Variants in CSRNP3 observed in about 807,000 individuals in gnomAD.
CSRNP3 encodes cysteine/serine-rich nuclear protein 3.
Under a neutral mutation model 48.0 loss-of-function variants are expected in CSRNP3, and 12 were observed. The observed-to-expected ratio is 0.25, with a 90% CI of 0.16 to 0.41. CSRNP3 has a LOEUF of 0.41. Among genes scored for constraint, CSRNP3 ranks in the 10% least tolerant of loss-of-function variants. The probability of loss-of-function intolerance (pLI) is 1.00; values close to 1 mark genes in which losing one functional copy is unlikely to be tolerated. For synonymous variants in CSRNP3, 263 were observed against 269.7 expected, an observed-to-expected ratio of 0.98 and a Z score of 0.24; for missense variants, 580 against 724.4, an observed-to-expected ratio of 0.80 and a Z score of 2.29.
intron 1 of CSRNP3, among the ~76,000 whole-genome samples, chr2:165,470,485 T>C (rs1683879159): frequency 1.3e-5 from 2 of 152,112 alleles, no homozygotes; most frequent in African/African-American, 4.8e-5. Context: ...TTAACAGTCA[T>C]GTTTCATGGG....
chr2:165,672,028 C>T lies in CSRNP3; in HGVS notation c.409-4284C>T, dbSNP rs1021901855. ...AGCCTGAACTTGATTGTCCATATCACTATCAGTATTTTGGTCAAAGCCATT... is the reference window on the plus strand; with the variant it reads ...AGCCTGAACTTGATTGTCCATATCATTATCAGTATTTTGGTCAAAGCCATT... On this transcript the variant is annotated intron_variant, in intron 5 of 6. Coordinates refer to ENST00000651982, the MANE Select transcript of CSRNP3 (RefSeq NM_001172173.2). Among the ~76,000 whole-genome samples the T allele has an allele frequency of 5.3e-5, 8 of 152,326 alleles. No homozygotes were observed. The East Asian group carries it at 7.7e-4, about 15-fold the overall frequency.
intron 3 of CSRNP3, among the ~76,000 whole-genome samples, chr2:165,556,750 A>C (rs537070357): frequency 6.6e-6 from 1 of 152,322 alleles, no homozygotes; most frequent in South Asian, 2.1e-4. Flanking sequence ...GAGAAAGTAG[A>C]ATAATTCTCA....
intron 3 of CSRNP3, among the ~76,000 whole-genome samples, chr2:165,560,541 C>A (rs1364920379): frequency 6.6e-6 from 1 of 152,202 alleles, no homozygotes; most frequent in Admixed American, 6.5e-5. Context: ...TGCCCTTAAG[C>A]CATCTGGTTC....
chr2:165,607,717 T>C (rs1049592516), intron 4 of CSRNP3, among the ~76,000 whole-genome samples: 1 of 152,172 alleles, frequency 6.6e-6, no homozygotes, highest in Non-Finnish European at 1.5e-5. Context: ...CTGATGTTTC[T>C]TTCCCTAGTG....
intron 1 of CSRNP3, among the ~76,000 whole-genome samples, chr2:165,474,274 C>G (rs1308186346): frequency 6.6e-6 from 1 of 151,742 alleles, no homozygotes; most frequent in Non-Finnish European, 1.5e-5. Flanking sequence ...TGTTGCCAGG[C>G]TTGAGTGCAG....
At chr2:165,504,493 TA>T (rs1490153021) in intron 2 of CSRNP3, among the ~76,000 whole-genome samples, 1 of 152,066 alleles carries the variant, frequency 6.6e-6, no homozygotes, top group Non-Finnish European at 1.5e-5. Context: ...TGTTAACCAC[TA>T]TAGTATGCTA....
At chr2:165,640,045 A>G (rs1446697489) in intron 4 of CSRNP3, among the ~76,000 whole-genome samples, 3 of 152,216 alleles carry the variant, frequency 2.0e-5, no homozygotes, top group African/African-American at 7.2e-5. Context: ...AACTCTTATC[A>G]TGTGGGGCTG....
At position 165,679,530 on chromosome 2, in the gene CSRNP3, G is replaced by C. The variant is rs1441268923; in HGVS notation, c.1535G>C (p.Gly512Ala). ...TGCTCCTCTTCCGAAAATGATAGCGGTGTGCCCTGCAATAGTTTATATCCT... is the reference window on the plus strand; with the variant it reads ...TGCTCCTCTTCCGAAAATGATAGCGCTGTGCCCTGCAATAGTTTATATCCT... Reference protein sequence around the residue: ...VCCSSSENDSGVPCNSLYPEH... With the variant: ...VCCSSSENDSAVPCNSLYPEH... The change falls in exon 7 of 7, where the codon GGT becomes GCT. Residue 512 changes from glycine to alanine, a missense_variant. By Grantham distance (60) the Gly-to-Ala change is moderately conservative (BLOSUM62 0). Transcript: ENST00000651982. The C allele has an allele frequency of 8.7e-6, 14 of 1,613,626 alleles. No individual in the cohort carries two copies. The Admixed American group carries it at 2.0e-4, about 23-fold the overall frequency.
At position 165,666,058 on chromosome 2, in the gene CSRNP3, GGA is replaced by G. The variant is rs546827485; in HGVS notation, c.408+8039_408+8040del. 1.3e-3 allele frequency among the ~76,000 whole-genome samples: 50 copies of G among 38,892 alleles called. 1 individual carries two copies. The highest frequency in any genetic ancestry group is 2.3e-3 in the Non-Finnish European group (34 of 14,878). The allele number at this position is 38,892 out of a possible 152,430, so 25.5% of individuals were successfully genotyped here. A position where few individuals can be genotyped will look rare whatever the true frequency, so the allele number is the denominator to read the frequency against. On this transcript the variant is annotated intron_variant, in intron 5 of 6. Coordinates refer to ENST00000651982, the MANE Select transcript of CSRNP3 (RefSeq NM_001172173.2). ...AAGGGAGGAAGGAAGGAAAGAGAGA[GGA>G]AGAAAGAAAGAGAGAGAGAGAAAGG...
chr2:165,551,780 G>A (rs376862060), intron 3 of CSRNP3, among the ~76,000 whole-genome samples: 7 of 151,728 alleles, frequency 4.6e-5, no homozygotes, highest in African/African-American at 1.4e-4. Context: ...AAGAATATAC[G>A]AATTATTAAA....
At chr2:165,572,095 T>A (rs1685382020) in intron 3 of CSRNP3, among the ~76,000 whole-genome samples, 1 of 152,138 alleles carries the variant, frequency 6.6e-6, no homozygotes, top group South Asian at 2.1e-4. Context: ...TTATTCAACC[T>A]CTTATTAAAA....
rs1020329478 is a variant in CSRNP3, at chr2:165,687,881, T to C, written c.*8128T>C. The C allele has an allele frequency of 1.3e-5, 2 of 152,010 alleles. No homozygotes were observed. Among genetic ancestry groups the C allele is most frequent in the African/African-American group, 4.8e-5 (2 of 41,396 alleles). 9.4% of individuals were successfully genotyped at this position (152,010 alleles called of 1,614,324 possible). A position where few individuals can be genotyped will look rare whatever the true frequency, so the allele number is the denominator to read the frequency against. ...CTCAGAGTCAGAACTCACCAGAAGA[T>C]GAGGAACACCCCCGAAATCAATGTT... is the stretch of plus-strand genomic sequence containing the variant. On this transcript the variant is annotated 3_prime_UTR_variant, in exon 7 of 7. Coordinates refer to ENST00000651982, the MANE Select transcript of CSRNP3 (RefSeq NM_001172173.2).
Position 165,657,925 on chromosome 2 carries a change from A to C in CSRNP3, c.313A>C (p.Thr105Pro). ...CCGCCATAACAGCGTGCGCCAGTAC[A>C]CTCTTGGCGAGTTTGCAAGGGAGCA... The part of the protein sequence containing the change: ...SSRHNSVRQY[T>P]LGEFAREQER... The change falls in exon 5 of 7, where the codon ACT becomes CCT. Residue 105 changes from threonine to proline, a missense_variant. This residue lies in a region of CSRNP3 where 83 missense variants were observed against 139.6 expected (regional missense o/e 0.59). Coordinates refer to ENST00000651982, the MANE Select transcript of CSRNP3 (RefSeq NM_001172173.2). 1.9e-6 allele frequency: 3 copies of C among 1,614,022 alleles called. No individual in the cohort carries two copies. Among genetic ancestry groups the C allele is most frequent in the Non-Finnish European group, 2.5e-6 (3 of 1,179,998 alleles).
intron 1 of CSRNP3, among the ~76,000 whole-genome samples, chr2:165,477,127 G>A (rs1419482163): frequency 6.6e-6 from 1 of 151,942 alleles, no homozygotes; most frequent in Non-Finnish European, 1.5e-5. Context: ...AGCAAAGATA[G>A]GACCTTCAAA....
At chr2:165,540,532 C>A (rs1272339676) in intron 3 of CSRNP3, among the ~76,000 whole-genome samples, 3 of 152,066 alleles carry the variant, frequency 2.0e-5, no homozygotes, top group African/African-American at 7.2e-5. Context: ...TCCTTATCTC[C>A]TTCGAAAGCT....
chr2:165,585,990 T>C (rs1685622920), intron 3 of CSRNP3, among the ~76,000 whole-genome samples: 1 of 152,158 alleles, frequency 6.6e-6, no homozygotes. Context: ...TGTGATGGAA[T>C]AAGGATCCTA....
intron 5 of CSRNP3, among the ~76,000 whole-genome samples, chr2:165,662,858 A>G (rs1348906551): frequency 6.6e-6 from 1 of 152,140 alleles, no homozygotes; most frequent in Admixed American, 6.5e-5. Context: ...TTTCAGAATT[A>G]TGTACTTTTC....
At chr2:165,642,330 C>T (rs1686736529) in intron 4 of CSRNP3, among the ~76,000 whole-genome samples, 2 of 152,152 alleles carry the variant, frequency 1.3e-5, no homozygotes, top group Admixed American at 1.3e-4. Context: ...AAATGTATTT[C>T]ACAGGAATAA....
At position 165,631,367 on chromosome 2, in the gene CSRNP3, G is replaced by A. The variant is rs181082985; in HGVS notation, c.149-26394G>A. ...AGAGATGAGTGGTGCCAATGAAGGC[G>A]TTTTTATATTCTCACTCTAGGGAGC... On this transcript the variant is annotated intron_variant, in intron 4 of 6. Transcript: ENST00000651982. Among the ~76,000 whole-genome samples, 662 of 152,276 alleles carry A rather than the reference G, an allele frequency of 4.3e-3. 1 individual carries two copies. Among genetic ancestry groups the A allele is most frequent in the Non-Finnish European group, 6.9e-3 (471 of 68,014 alleles).
Sources: gnomAD v4.1 joint callset for allele counts (sites outside exome capture counted in the v4.1 genomes callset) on GRCh38, gnomAD v4.1.1 for gene constraint, gnomAD v4.1.1 regional missense constraint, MANE v1.5 for transcripts, NCBI Gene and HGNC (gene_info 2026-07-23, HGNC 2026-07-21) for gene names.